Variants in PPP4C observed in about 807,000 individuals in gnomAD.
PPP4C encodes protein phosphatase 4 catalytic subunit, also known as serine/threonine-protein phosphatase 4 catalytic subunit.
PPP4C carries 10 observed loss-of-function variants against 40.5 expected under a neutral mutation model. That is an observed-to-expected ratio of 0.25 (90% CI 0.15 to 0.42). The LOEUF is 0.42. Among genes scored for constraint, PPP4C ranks in the 10% least tolerant of loss-of-function variants. The pLI is 1.00. For synonymous variants in PPP4C, 187 were observed against 163.6 expected (o/e 1.14, Z -1.09); for missense variants, 191 against 416.4 (o/e 0.46, Z 4.71).
At chr16:30,080,506 C>CTGT (rs1419132715) in intron 2 of PPP4C, among the ~76,000 whole-genome samples, 26 of 123,988 alleles carry the variant, frequency 2.1e-4, no homozygotes, top group African/African-American at 7.6e-4. Context: ...GAGCACCTCA[C>CTGT]TTTTTTTTTT....
chr16:30,081,061 CT>C, intron 2 of PPP4C, 197 bp from the exon 3 acceptor site: 4 of 662,538 alleles, frequency 6.0e-6, no homozygotes, highest in Non-Finnish European at 7.8e-6. Context: ...GGACTTTGTC[CT>C]TTTGGCAGCA....
rs1270142049 is a variant in PPP4C, at chr16:30,083,272, G to C, written c.304-122G>C. The C allele has an allele frequency of 8.7e-7, 1 of 1,146,082 alleles. No homozygotes were observed. The highest frequency in any genetic ancestry group is 1.3e-6 in the Non-Finnish European group (1 of 799,328). The allele number at this position is 1,146,082 out of a possible 1,614,324, so 71.0% of individuals were successfully genotyped here. A position where few individuals can be genotyped will look rare whatever the true frequency, so the allele number is the denominator to read the frequency against. On this transcript the variant is annotated intron_variant, in intron 5 of 8. Transcript: ENST00000279387. This position sits in a 1 kb window ranked among gnomAD's most constrained non-coding sequence, Gnocchi z 6.3. ...CTGATGCCACACGATTCAGGCAAGAGGTGCCAGGAGTGTGCTGGGCAGTGG... is the reference window on the plus strand; with the variant it reads ...CTGATGCCACACGATTCAGGCAAGACGTGCCAGGAGTGTGCTGGGCAGTGG...
intron 7 of PPP4C, among the ~76,000 whole-genome samples, chr16:30,084,384 C>T (rs1157260804): frequency 1.3e-5 from 2 of 152,232 alleles, no homozygotes; most frequent in Admixed American, 1.3e-4. Flanking sequence ...TCTGGGAGTG[C>T]CCCTTTCACT....
At chr16:30,077,958 C>T (rs1045254356) in intron 2 of PPP4C, among the ~76,000 whole-genome samples, 2 of 152,168 alleles carry the variant, frequency 1.3e-5, no homozygotes, top group Non-Finnish European at 2.9e-5. Context: ...GCCTCTTTTT[C>T]GCCACCTGTC....
chr16:30,083,018 CCAGCGGGG>C lies in PPP4C; in HGVS notation c.303+176_303+183del. ...GTCAGAGACTTGATGGGGGTTGAGG[CCAGCGGGG>C]CAGCATTCTGGGAGGGGCAGAGGCT... On this transcript the variant is annotated intron_variant, in intron 5 of 8. Transcript: ENST00000279387. This position sits in a 1 kb window ranked among gnomAD's most constrained non-coding sequence, Gnocchi z 6.3. 1.6e-6 allele frequency: 1 copy of C among 627,838 alleles called. No homozygotes were observed. Among genetic ancestry groups the C allele is most frequent in the Admixed American group, 3.0e-5 (1 of 33,484 alleles). The allele number at this position is 627,838 out of a possible 1,614,324, so 38.9% of individuals were successfully genotyped here.
At chr16:30,079,190 C>CTTT (rs60305885) in intron 2 of PPP4C, among the ~76,000 whole-genome samples, 2 of 140,660 alleles carry the variant, frequency 1.4e-5, no homozygotes, top group Non-Finnish European at 3.1e-5. Context: ...TTCTTTTTTT[C>CTTT]TTTTTTTTTT....
chr16:30,081,349 T>TTA (rs1172234134), intron 3 of PPP4C, 39 bp downstream of exon 3: 1 of 1,554,070 alleles, frequency 6.4e-7, no homozygotes, highest in South Asian at 1.1e-5. Flanking sequence ...GGCCTGGTCT[T>TTA]TCAGGCACAT....
chr16:30,076,196 T>TC, intron 1 of PPP4C, 102 bp downstream of exon 1: 2 of 567,846 alleles, frequency 3.5e-6, no homozygotes, highest in Non-Finnish European at 5.9e-6. Context: ...CGCCGGGGGG[T>TC]CCTGGGGCCG....
intron 2 of PPP4C, among the ~76,000 whole-genome samples, chr16:30,079,686 C>T (rs537153844): frequency 2.0e-5 from 3 of 152,298 alleles, no homozygotes; most frequent in South Asian, 2.1e-4. Flanking sequence ...AGACCTCCTT[C>T]GTGCTGCCTC....
chr16:30,082,366 C>T (rs1210082585), intron 3 of PPP4C, 118 bp from the exon 4 acceptor site: 1 of 1,119,632 alleles, frequency 8.9e-7, no homozygotes, highest in Non-Finnish European at 1.3e-6. Flanking sequence ...AATTTTGGTC[C>T]TAGGAAGTAG....
chr16:30,077,872 G>T (rs2072431519), intron 2 of PPP4C, among the ~76,000 whole-genome samples: 1 of 152,198 alleles, frequency 6.6e-6, no homozygotes, highest in Non-Finnish European at 1.5e-5. Context: ...TGGCCCTCAG[G>T]CTCTTTGCCT....
intron 2 of PPP4C, among the ~76,000 whole-genome samples, chr16:30,079,045 C>T (rs971232607): frequency 6.6e-6 from 1 of 152,122 alleles, no homozygotes; most frequent in African/African-American, 2.4e-5. Flanking sequence ...TGTGACCTCC[C>T]TGGGCTTCAG....
chr16:30,080,658 C>CTGTAATT (rs1466951428), intron 2 of PPP4C, among the ~76,000 whole-genome samples: 1 of 151,994 alleles, frequency 6.6e-6, no homozygotes, highest in Non-Finnish European at 1.5e-5. Context: ...AGGCACGCGC[C>CTGTAATT]ACCACGCCTG....
intron 2 of PPP4C, among the ~76,000 whole-genome samples, chr16:30,079,543 G>A (rs1012474245): frequency 6.6e-5 from 10 of 152,240 alleles, no homozygotes; most frequent in African/African-American, 2.4e-4. Context: ...CCAGTCTGTT[G>A]GAAAGGTCAC....
intron 2 of PPP4C, 42 bp downstream of exon 2, chr16:30,076,517 C>T (rs2151023545): frequency 1.3e-6 from 2 of 1,563,394 alleles, no homozygotes; most frequent in South Asian, 2.3e-5. Context: ...AAGCCGCCGC[C>T]CACGGGTTCT....
At chr16:30,080,847 C>G (rs932056510) in intron 2 of PPP4C, among the ~76,000 whole-genome samples, 4 of 152,196 alleles carry the variant, frequency 2.6e-5, no homozygotes, top group Non-Finnish European at 5.9e-5. Flanking sequence ...TGGGCCTGCC[C>G]TGGGCACCTA....
In PPP4C at chr16:30,085,000, G is replaced by A. The variant is rs777840648; in HGVS notation, c.862G>A (p.Ala288Thr). 6.2e-7 allele frequency: 1 copy of A among 1,614,186 alleles called. No individual in the cohort carries two copies. Among genetic ancestry groups the A allele is most frequent in the Non-Finnish European group, 8.5e-7 (1 of 1,180,036 alleles). ...HLQKDFIIFE[A>T]APQETRGIPS... ...CCAGAAAGATTTCATCATCTTTGAGGCTGCTCCCCAAGAGACACGGGGCAT... is the reference window on the plus strand; with the variant it reads ...CCAGAAAGATTTCATCATCTTTGAGACTGCTCCCCAAGAGACACGGGGCAT... The change falls in exon 9 of 9, where the codon GCT becomes ACT. Residue 288 changes from alanine (A) to threonine (T), a missense_variant. Ala to Thr is a moderately conservative substitution (Grantham distance 58). Transcript: ENST00000279387.
At chr16:30,082,380 T>C (rs528036567) in intron 3 of PPP4C, 104 bp from the exon 4 acceptor site, 1 of 1,246,968 alleles carries the variant, frequency 8.0e-7, no homozygotes, top group African/African-American at 1.5e-5. Context: ...GAAGTAGAAG[T>C]GCAGCCAAGA....
chr16:30,077,577 G>C (rs1423649679), intron 2 of PPP4C, among the ~76,000 whole-genome samples: 1 of 152,156 alleles, frequency 6.6e-6, no homozygotes, highest in African/African-American at 2.4e-5. Context: ...GCCTCCTCTG[G>C]GGAACTGTGT....
Sources: gnomAD v4.1 joint callset for allele counts (sites outside exome capture counted in the v4.1 genomes callset) on GRCh38, gnomAD v4.1.1 for gene constraint, Gnocchi (gnomAD v3.1) non-coding constraint, MANE v1.5 for transcripts, NCBI Gene and HGNC (gene_info 2026-07-23, HGNC 2026-07-21) for gene names.